The following ESRRB variants were observed in gnomAD, a reference collection of about 807,000 sequenced individuals.
ESRRB encodes the protein steroid hormone receptor ERR2.
A neutral mutation model predicts 46.0 loss-of-function variants in ESRRB; 16 were observed. The observed-to-expected ratio is 0.35, with a 90% CI of 0.24 to 0.53. ESRRB has a LOEUF of 0.53. ESRRB is among the 20% of genes least tolerant of loss of function. The probability of loss-of-function intolerance (pLI) is 0.93; values close to 1 mark genes in which losing one functional copy is unlikely to be tolerated. For synonymous variants in ESRRB, 246 were observed against 259.6 expected, an observed-to-expected ratio of 0.95 and a Z score of 0.50; for missense variants, 488 against 607.4, an observed-to-expected ratio of 0.80 and a Z score of 2.07.
upstream of ESRRB, among the ~76,000 whole-genome samples, chr14:76,374,583 T>C (rs1884701074): frequency 6.6e-6 from 1 of 152,132 alleles, no homozygotes; most frequent in Non-Finnish European, 1.5e-5. Flanking sequence ...GGAGAATGGA[T>C]TTCAGCAGGG....
chr14:76,485,233 A>ATTTTTTTTT (rs34504939), intron 5 of ESRRB, among the ~76,000 whole-genome samples: 4 of 91,862 alleles, frequency 4.4e-5, no homozygotes, highest in African/African-American at 1.3e-4. Context: ...CAAATGCCTG[A>ATTTTTTTTT]TTTTTTTTTT....
intron 2 of ESRRB, among the ~76,000 whole-genome samples, chr14:76,449,541 C>G (rs1888292641): frequency 6.6e-6 from 1 of 151,228 alleles, no homozygotes; most frequent in Non-Finnish European, 1.5e-5. Context: ...CGGAGCAAGA[C>G]TCAGTCTCAA....
chr14:76,421,538 C>T (rs770958905), intron 1 of ESRRB, among the ~76,000 whole-genome samples: 3 of 152,230 alleles, frequency 2.0e-5, no homozygotes, highest in Admixed American at 6.5e-5. Context: ...AGAGCTTGCA[C>T]ATCTGTTTAC....
intron 2 of ESRRB, among the ~76,000 whole-genome samples, chr14:76,444,266 C>T (rs568068094): frequency 6.6e-6 from 1 of 152,242 alleles, no homozygotes; most frequent in South Asian, 2.1e-4. Flanking sequence ...TTCCTGACCT[C>T]AAGTGATCCT....
chr14:76,439,219 T>C, intron 1 of ESRRB, 122 bp from the exon 2 acceptor site: 2 of 1,135,986 alleles, frequency 1.8e-6, no homozygotes. Context: ...TTCTCCACCG[T>C]TGTTTTATCG....
chr14:76,476,765 G>T (rs1889600261), intron 3 of ESRRB, among the ~76,000 whole-genome samples: 1 of 152,028 alleles, frequency 6.6e-6, no homozygotes, highest in Non-Finnish European at 1.5e-5. Flanking sequence ...TTCTTCTCTG[G>T]TGTTCTTTGG....
At chr14:76,339,574 C>T (rs552461899) in intron 1 of ESRRB, among the ~76,000 whole-genome samples, 114 of 152,328 alleles carry the variant, frequency 7.5e-4, no homozygotes, top group African/African-American at 2.6e-3. Context: ...AGACAGGCCC[C>T]TGTACAGCTG....
At chr14:76,334,477 A>G (rs1005448694) in intron 1 of ESRRB, among the ~76,000 whole-genome samples, 7 of 152,206 alleles carry the variant, frequency 4.6e-5, no homozygotes, top group African/African-American at 1.7e-4. Flanking sequence ...CCTGGGAAGC[A>G]CAGGGCATCA....
intron 1 of ESRRB, among the ~76,000 whole-genome samples, chr14:76,343,020 CAGA>C (rs1355585264): frequency 2.0e-5 from 3 of 152,178 alleles, no homozygotes; most frequent in Non-Finnish European, 4.4e-5. Flanking sequence ...TGAAGGGATC[CAGA>C]AGATCCCCTA....
intron 1 of ESRRB, among the ~76,000 whole-genome samples, chr14:76,349,377 G>A (rs531124487): frequency 2.0e-5 from 3 of 152,324 alleles, no homozygotes; most frequent in African/African-American, 4.8e-5. Flanking sequence ...CATTCTGTAC[G>A]CAATATCCAC....
At chr14:76,425,865 A>C (rs1340056064) in intron 1 of ESRRB, among the ~76,000 whole-genome samples, 2 of 152,108 alleles carry the variant, frequency 1.3e-5, no homozygotes, top group Non-Finnish European at 2.9e-5. Flanking sequence ...CTGGGATTAC[A>C]GGTGCCCACC....
Position 76,482,203 on chromosome 14 carries a change from A to C in ESRRB, c.688+77A>C. On this transcript the variant is annotated intron_variant, in intron 4 of 6. Coordinates refer to ENST00000644823, the MANE Select transcript of ESRRB (RefSeq NM_001379180.1). The surrounding 1 kb of genome is among the most constrained non-coding windows in gnomAD (Gnocchi z 4.3). ...ATCAGGCATCCCTTAGGGAAACATC[A>C]TCTTCCCACCACTGGGTCATGAGAC... The C allele has an allele frequency of 9.3e-7, 1 of 1,076,912 alleles. No individual in the cohort carries two copies. The allele number at this position is 1,076,912 out of a possible 1,614,324, so 66.7% of individuals were successfully genotyped here.
intron 1 of ESRRB, among the ~76,000 whole-genome samples, chr14:76,349,003 C>A (rs1396149454): frequency 6.6e-6 from 1 of 152,172 alleles, no homozygotes; most frequent in African/African-American, 2.4e-5. Context: ...CCAAGCAGGC[C>A]CCCCTTCCCA....
chr14:76,481,079 C>G (rs1030653655), intron 3 of ESRRB, among the ~76,000 whole-genome samples: 3 of 152,212 alleles, frequency 2.0e-5, no homozygotes, highest in African/African-American at 7.2e-5. Context: ...CCACAGGGCC[C>G]CAGCACCATG....
At chr14:76,441,705 C>G (rs1406069175) in intron 2 of ESRRB, among the ~76,000 whole-genome samples, 12 of 152,190 alleles carry the variant, frequency 7.9e-5, no homozygotes, top group Admixed American at 7.9e-4. Flanking sequence ...TACAAAGCAC[C>G]AAGCCAGGCT....
chr14:76,326,971 GT>G (rs1244085733), intron 1 of ESRRB, among the ~76,000 whole-genome samples: 1 of 152,272 alleles, frequency 6.6e-6, no homozygotes, highest in Non-Finnish European at 1.5e-5. Context: ...CCCATGCCCA[GT>G]TTTTGGCAGC....
At chr14:76,490,015 G>A (rs554115769) in intron 5 of ESRRB, among the ~76,000 whole-genome samples, 25 of 152,200 alleles carry the variant, frequency 1.6e-4, no homozygotes, top group African/African-American at 4.8e-4. Context: ...TTCTCTTTTC[G>A]CCCCCACAGC....
intron 1 of ESRRB, among the ~76,000 whole-genome samples, chr14:76,414,704 TTTAA>T (rs1886623566): frequency 6.8e-6 from 1 of 147,820 alleles, no homozygotes; most frequent in East Asian, 2.0e-4. Flanking sequence ...CTATTCTAGA[TTTAA>T]TTGAGTTGAT....
chr14:76,335,993 A>T (rs1233466102), intron 1 of ESRRB, among the ~76,000 whole-genome samples: 1 of 152,236 alleles, frequency 6.6e-6, no homozygotes, highest in African/African-American at 2.4e-5. Context: ...GAAGTCATTT[A>T]TCCAAGATTG....
Sources: allele counts gnomAD v4.1 joint callset (sites outside exome capture counted in the v4.1 genomes callset), GRCh38; gene constraint gnomAD v4.1.1; non-coding constraint Gnocchi (gnomAD v3.1); transcripts MANE v1.5; gene names NCBI Gene and HGNC (gene_info 2026-07-23, HGNC 2026-07-21).